RASA2: variants seen among roughly 807,000 people sequenced by gnomAD.
The protein encoded by RASA2 is RAS p21 protein activator 2.
Under a neutral mutation model 118.2 loss-of-function variants are expected in RASA2, and 155 were observed. The ratio of observed to expected loss-of-function variants is 1.31; its 90% CI spans 1.15 to 1.50. The LOEUF (loss-of-function observed/expected upper bound fraction) is 1.50. Ranked by LOEUF, RASA2 falls within the 40% of genes most tolerant of loss-of-function variation. The probability of loss-of-function intolerance (pLI) is 0.00; values close to 1 mark genes in which losing one functional copy is unlikely to be tolerated. For missense variants in RASA2, 1,016 were observed against 1,009.6 expected, an observed-to-expected ratio of 1.01 and a Z score of -0.09; for synonymous variants, 353 against 349.1, an observed-to-expected ratio of 1.01 and a Z score of -0.12.
intron 9 of RASA2, 132 bp from the exon 10 acceptor site, chr3:141,570,780 C>CT: frequency 1.3e-6 from 1 of 751,144 alleles, no homozygotes; most frequent in East Asian, 2.9e-5. Context: ...TATCCTGCTA[C>CT]TTATGAAGCT....
intron 21 of RASA2, 131 bp downstream of exon 21, chr3:141,608,828 T>TA (rs2083590440): frequency 1.0e-6 from 1 of 1,002,808 alleles, no homozygotes. Flanking sequence ...CTTGAAAAAT[T>TA]ATGCTAAGTG....
At chr3:141,562,006 G>T (rs1347969722) in intron 9 of RASA2, among the ~76,000 whole-genome samples, 1 of 152,010 alleles carries the variant, frequency 6.6e-6, no homozygotes, top group Non-Finnish European at 1.5e-5. Context: ...AAGCTGGAGT[G>T]CAGTGGCATG....
chr3:141,591,663 A>G (rs1201526804), intron 19 of RASA2, among the ~76,000 whole-genome samples: 1 of 152,200 alleles, frequency 6.6e-6, no homozygotes, highest in African/African-American at 2.4e-5. Context: ...ATTTAATTAG[A>G]TATTGTCTAC....
At chr3:141,589,651 G>A (rs754515268) in intron 19 of RASA2, among the ~76,000 whole-genome samples, 3 of 152,060 alleles carry the variant, frequency 2.0e-5, no homozygotes, top group Non-Finnish European at 4.4e-5. Flanking sequence ...GACCATCCTG[G>A]CCAACGCGGT....
At chr3:141,506,929 A>G (rs2081877367) in intron 1 of RASA2, among the ~76,000 whole-genome samples, 1 of 151,884 alleles carries the variant, frequency 6.6e-6, no homozygotes, top group East Asian at 1.9e-4. Context: ...AAAAAAAAAA[A>G]AAAGAAAAAG....
intron 3 of RASA2, 27 bp from the exon 4 acceptor site, chr3:141,529,680 CT>C: frequency 6.6e-7 from 1 of 1,506,142 alleles, no homozygotes; most frequent in Non-Finnish European, 9.2e-7. Flanking sequence ...AGCATGTTTT[CT>C]TATATTGTTT....
chr3:141,576,476 C>T (rs1192460669), intron 14 of RASA2, among the ~76,000 whole-genome samples: 1 of 152,164 alleles, frequency 6.6e-6, no homozygotes, highest in Non-Finnish European at 1.5e-5. Flanking sequence ...ATCAAAGCCA[C>T]CAGTAGTCTT....
intron 11 of RASA2, among the ~76,000 whole-genome samples, 167 bp downstream of exon 11, chr3:141,571,721 A>C (rs998402868): frequency 4.6e-5 from 7 of 152,226 alleles, no homozygotes; most frequent in African/African-American, 1.7e-4. Context: ...GCTATCAAAC[A>C]GTATTCACCT....
intron 4 of RASA2, among the ~76,000 whole-genome samples, chr3:141,539,578 A>G (rs534840778): frequency 1.3e-5 from 2 of 152,178 alleles, no homozygotes; most frequent in Non-Finnish European, 2.9e-5. Context: ...TCCTACCTCT[A>G]ATGAAATCAC....
intron 19 of RASA2, among the ~76,000 whole-genome samples, chr3:141,605,059 C>T (rs1033911523): frequency 3.3e-5 from 5 of 152,188 alleles, no homozygotes; most frequent in African/African-American, 1.2e-4. Flanking sequence ...TTTGATGTCA[C>T]TCTGATTCTC....
chr3:141,609,600 A>G (rs903607962), intron 22 of RASA2, 77 bp downstream of exon 22: 5 of 1,160,072 alleles, frequency 4.3e-6, no homozygotes, highest in African/African-American at 3.2e-5. Flanking sequence ...GCATTATACA[A>G]AAGTTGAAAA....
intron 19 of RASA2, among the ~76,000 whole-genome samples, chr3:141,598,754 C>T (rs75570080): frequency 0.014 from 2,139 of 151,830 alleles, 64 homozygotes; most frequent in African/African-American, 0.049. Context: ...TACAGTAGTT[C>T]CCCCCCAAAA....
intron 19 of RASA2, among the ~76,000 whole-genome samples, chr3:141,602,787 C>CTG (rs749128961): frequency 1.3e-5 from 2 of 152,218 alleles, no homozygotes; most frequent in African/African-American, 2.4e-5. Context: ...GTCATCTGAG[C>CTG]TGTGTGTGGA....
At chr3:141,511,629 A>G (rs1048256616) in intron 1 of RASA2, among the ~76,000 whole-genome samples, 8 of 152,176 alleles carry the variant, frequency 5.3e-5, no homozygotes, top group African/African-American at 1.9e-4. Flanking sequence ...CAGCTAGAGC[A>G]GTTTTAGTGG....
At chr3:141,554,427 T>C (rs1485214911) in intron 6 of RASA2, among the ~76,000 whole-genome samples, 1 of 152,220 alleles carries the variant, frequency 6.6e-6, no homozygotes, top group African/African-American at 2.4e-5. Context: ...GAAAAACTGC[T>C]GAAGTACTAG....
rs150627329 is a variant in RASA2, at chr3:141,586,432, G to A, written c.1827-214G>A. 1.5e-4 allele frequency among the ~76,000 whole-genome samples: 23 copies of A among 152,114 alleles called. No homozygotes were observed. In the East Asian group the frequency reaches 4.2e-3, roughly 28 times the overall value. On this transcript the variant is annotated intron_variant, in intron 18 of 23. Transcript: ENST00000286364. ...CACTCATTTGACCCTTTTTTGTTCTGTATAGTACAATTAAAAATATTAAAT... is the reference window on the plus strand; with the variant it reads ...CACTCATTTGACCCTTTTTTGTTCTATATAGTACAATTAAAAATATTAAAT...
chr3:141,507,490 T>C (rs910816456), intron 1 of RASA2, among the ~76,000 whole-genome samples: 13 of 152,164 alleles, frequency 8.5e-5, no homozygotes, highest in African/African-American at 3.1e-4. Flanking sequence ...TTTTGCAGAA[T>C]TGTGAAACTG....
rs1161681842 is a variant in RASA2 at position 141,487,102 on chromosome 3, G to C, written c.19G>C (p.Ala7Pro). 5.0e-6 allele frequency: 7 copies of C among 1,395,968 alleles called. No individual in the cohort carries two copies. The highest frequency in any genetic ancestry group is 6.6e-6 in the Non-Finnish European group (7 of 1,061,660). The allele number at this position is 1,395,968 out of a possible 1,614,324, so 86.5% of individuals were successfully genotyped here. MAAAAP[A>P]AAAASSEAPA... ...CGGCACCATGGCGGCGGCGGCGCCT[G>C]CTGCTGCGGCGGCTTCTTCCGAGGC... The change falls in exon 1 of 24, where the codon GCT (alanine) becomes CCT (proline). Residue 7 changes from alanine to proline, a missense_variant. Physicochemically the swap from Ala to Pro is conservative, Grantham distance 27 (BLOSUM62 -1). Transcript: ENST00000286364.
At chr3:141,488,432 A>G (rs529854051) in intron 1 of RASA2, among the ~76,000 whole-genome samples, 1 of 152,192 alleles carries the variant, frequency 6.6e-6, no homozygotes, top group East Asian at 1.9e-4. Flanking sequence ...CTCCTCTAAT[A>G]CCAGTACTGT....
Sources: allele counts gnomAD v4.1 joint callset (sites outside exome capture counted in the v4.1 genomes callset), GRCh38; gene constraint gnomAD v4.1.1; transcripts MANE v1.5; gene names NCBI Gene and HGNC (gene_info 2026-07-23, HGNC 2026-07-21).